CDK19: variants seen among roughly 807,000 people sequenced by gnomAD.
CDK19 encodes the protein cyclin dependent kinase 19, also known as cyclin-dependent kinase 19.
CDK19 carries 20 observed loss-of-function variants against 68.3 expected under a neutral mutation model. That is an observed-to-expected ratio of 0.29 (90% CI 0.21 to 0.43). The LOEUF (loss-of-function observed/expected upper bound fraction) is 0.43. Ranked by LOEUF, CDK19 falls within the 20% of genes least tolerant of loss-of-function variation. The pLI is 1.00. For synonymous variants in CDK19, 221 were observed against 222.8 expected (o/e 0.99, Z 0.07); for missense variants, 339 against 623.5 (o/e 0.54, Z 4.86).
At chr6:110,763,269 T>C (rs1229874103) in intron 1 of CDK19, among the ~76,000 whole-genome samples, 1 of 152,180 alleles carries the variant, frequency 6.6e-6, no homozygotes, top group African/African-American at 2.4e-5. Context: ...TCCTATGATC[T>C]GATATAAGCA....
intron 4 of CDK19, among the ~76,000 whole-genome samples, chr6:110,652,084 C>G (rs901473444): frequency 7.0e-6 from 1 of 142,874 alleles, no homozygotes; most frequent in African/African-American, 2.5e-5. Flanking sequence ...AAAAAAGAAA[C>G]AAACAAACAA....
At chr6:110,646,585 G>A (rs79383329) in intron 4 of CDK19, 28,187 of 778,056 alleles carry the variant, frequency 0.036, 688 homozygotes, top group Middle Eastern at 0.071. Flanking sequence ...GGGGTCAACC[G>A]GGCCAACGGC....
In CDK19 at chr6:110,622,198, T is replaced by C. The variant is rs368087104; in HGVS notation, c.1032-32A>G. 6.2e-5 allele frequency: 87 copies of C among 1,401,368 alleles called. No individual in the cohort carries two copies. In the African/African-American group the frequency reaches 1.1e-3, roughly 17 times the overall value. The allele number at this position is 1,401,368 out of a possible 1,614,324, so 86.8% of individuals were successfully genotyped here. On this transcript the variant is annotated intron_variant, in intron 10 of 12. Transcript: ENST00000368911. ...ATCATTAAAAAGAAAAAACATATCA[T>C]GATCTAAAATCTGTAATATCATTAC...
intron 2 of CDK19, among the ~76,000 whole-genome samples, chr6:110,725,957 CTCTT>C (rs961688688): frequency 1.3e-5 from 2 of 152,098 alleles, no homozygotes; most frequent in African/African-American, 4.8e-5. Context: ...TATAAATAAA[CTCTT>C]TCAGAAAGCA....
intron 1 of CDK19, among the ~76,000 whole-genome samples, chr6:110,792,115 C>T (rs1781638511): frequency 6.6e-6 from 1 of 151,666 alleles, no homozygotes; most frequent in Non-Finnish European, 1.5e-5. Flanking sequence ...GGACTATAGG[C>T]ACGTGCCACT....
intron 4 of CDK19, among the ~76,000 whole-genome samples, chr6:110,649,925 A>G (rs1196247531): frequency 5.9e-5 from 9 of 152,328 alleles, no homozygotes; most frequent in Admixed American, 5.2e-4. Context: ...ACAATTTGGC[A>G]TGACCTTGCA....
intron 12 of CDK19, among the ~76,000 whole-genome samples, chr6:110,618,168 CTG>C (rs1242209734): frequency 1.3e-5 from 2 of 152,122 alleles, no homozygotes. Flanking sequence ...GAGTCTCACT[CTG>C]TCACCCAGGC....
chr6:110,658,981 C>G (rs1273615806), intron 4 of CDK19, among the ~76,000 whole-genome samples: 1 of 152,134 alleles, frequency 6.6e-6, no homozygotes, highest in Non-Finnish European at 1.5e-5. Flanking sequence ...TCTCAGTATT[C>G]CCCATTTTAC....
intron 1 of CDK19, chr6:110,814,450 GC>G (rs1783405255): frequency 2.8e-6 from 1 of 361,630 alleles, no homozygotes. Flanking sequence ...CAACGGGCCG[GC>G]CAGCCCGAAG....
chr6:110,649,161 C>A (rs181846966), intron 4 of CDK19, among the ~76,000 whole-genome samples: 3 of 151,804 alleles, frequency 2.0e-5, no homozygotes, highest in Admixed American at 1.3e-4. Context: ...AAAATCCCAT[C>A]AGGGATTTTG....
intron 1 of CDK19, among the ~76,000 whole-genome samples, chr6:110,767,086 T>C (rs887201045): frequency 2.0e-5 from 3 of 151,828 alleles, no homozygotes; most frequent in African/African-American, 4.8e-5. Context: ...TGAGCCAAGA[T>C]TGTGCCACTG....
At chr6:110,788,602 C>G (rs1019593496) in intron 1 of CDK19, among the ~76,000 whole-genome samples, 4 of 152,244 alleles carry the variant, frequency 2.6e-5, no homozygotes, top group African/African-American at 9.6e-5. Flanking sequence ...ACATTAGAAT[C>G]TATAGGTATG....
chr6:110,767,926 T>C (rs940248220), intron 1 of CDK19, among the ~76,000 whole-genome samples: 3 of 151,956 alleles, frequency 2.0e-5, no homozygotes, highest in Non-Finnish European at 4.4e-5. Flanking sequence ...GAGAAAATAA[T>C]TGCAAAACAA....
intron 1 of CDK19, among the ~76,000 whole-genome samples, chr6:110,810,337 A>G (rs1170666995): frequency 6.6e-6 from 1 of 152,192 alleles, no homozygotes; most frequent in Non-Finnish European, 1.5e-5. Flanking sequence ...CCAAAAAGAG[A>G]TATGACATGA....
intron 2 of CDK19, among the ~76,000 whole-genome samples, chr6:110,724,916 G>A (rs1051348930): frequency 2.0e-5 from 3 of 152,078 alleles, no homozygotes; most frequent in Non-Finnish European, 2.9e-5. Context: ...TACAGATATG[G>A]GAAGGGTACC....
intron 2 of CDK19, among the ~76,000 whole-genome samples, chr6:110,688,619 C>CA (rs1772710835): frequency 6.6e-6 from 1 of 152,192 alleles, no homozygotes; most frequent in Admixed American, 6.5e-5. Flanking sequence ...TATACATCCC[C>CA]ACCAGGGAAC....
chr6:110,657,309 G>A (rs184082861), intron 4 of CDK19, among the ~76,000 whole-genome samples: 53 of 152,280 alleles, frequency 3.5e-4, no homozygotes, highest in African/African-American at 1.3e-3. Context: ...CCTGATGTGT[G>A]CTTAGTTGAG....
intron 2 of CDK19, among the ~76,000 whole-genome samples, chr6:110,688,206 C>T (rs369593491): frequency 2.6e-5 from 4 of 151,774 alleles, no homozygotes; most frequent in Admixed American, 1.3e-4. Flanking sequence ...GCTAACATGG[C>T]GAAACCTCAT....
intron 8 of CDK19, chr6:110,623,589 T>C (rs1778850970): frequency 1.0e-5 from 2 of 198,528 alleles, no homozygotes; most frequent in Non-Finnish European, 1.8e-5. Flanking sequence ...AAAACAGTTA[T>C]GCATTAACCA....
Sources: allele counts gnomAD v4.1 joint callset (sites outside exome capture counted in the v4.1 genomes callset), GRCh38; gene constraint gnomAD v4.1.1; transcripts MANE v1.5; gene names NCBI Gene and HGNC (gene_info 2026-07-23, HGNC 2026-07-21).